PMP22: variants seen among roughly 807,000 people sequenced by gnomAD.
The protein encoded by PMP22 is peripheral myelin protein 22.
In PMP22, 2 loss-of-function variants were observed where a neutral mutation model predicts 18.9. The observed-to-expected ratio is 0.11, with a 90% CI of 0.04 to 0.33. PMP22 has a LOEUF of 0.33. PMP22 is among the 10% of genes least tolerant of loss of function. PMP22 has a pLI of 1.00. For synonymous variants in PMP22, 95 were observed against 89.2 expected (o/e 1.07, Z -0.37); for missense variants, 169 against 202.2 (o/e 0.84, Z 1.00).
intron 3 of PMP22, among the ~76,000 whole-genome samples, chr17:15,256,537 A>G (rs1315594058): frequency 1.3e-5 from 2 of 152,166 alleles, no homozygotes; most frequent in African/African-American, 4.8e-5. Flanking sequence ...GCTACTCGGG[A>G]GGCTGAGGCA....
intron 4 of PMP22, 124 bp from the exon 5 acceptor site, chr17:15,231,204 G>T: frequency 1.1e-6 from 1 of 944,460 alleles, no homozygotes; most frequent in Non-Finnish European, 1.7e-6. Flanking sequence ...AAGGAAATCT[G>T]CTTCCAGGTC....
intron 4 of PMP22, among the ~76,000 whole-genome samples, chr17:15,236,844 T>C (rs775288377): frequency 3.3e-5 from 5 of 152,198 alleles, no homozygotes; most frequent in Non-Finnish European, 5.9e-5. Context: ...CCATTTCCAG[T>C]GCAACATCCT....
In PMP22 at chr17:15,230,997, C is replaced by G; in HGVS notation, c.403G>C (p.Ala135Pro). 1.2e-6 allele frequency: 2 copies of G among 1,614,126 alleles called. No individual in the cohort carries two copies. The highest frequency in any genetic ancestry group is 1.7e-6 in the Non-Finnish European group (2 of 1,180,002). The change falls in exon 5 of 5, where the codon GCC becomes CCC. Residue 135 changes from alanine (A) to proline (P), a missense_variant. Coordinates refer to ENST00000312280, the MANE Select transcript of PMP22 (RefSeq NM_000304.4). ...AAGGCCACCCAGGCCAGGATGTAGGCGAAACCGTAGGAGTAATCCGAGTTG... is the reference window on the plus strand; with the variant it reads ...AAGGCCACCCAGGCCAGGATGTAGGGGAAACCGTAGGAGTAATCCGAGTTG... ...HLNSDYSYGF[A>P]YILAWVAFPL...
chr17:15,255,459 A>C (rs1363522136), intron 3 of PMP22, among the ~76,000 whole-genome samples: 2 of 152,100 alleles, frequency 1.3e-5, no homozygotes, highest in African/African-American at 4.8e-5. Flanking sequence ...TTGTTTCCTG[A>C]AGATGACAGC....
At chr17:15,245,859 A>C (rs911181199) in intron 3 of PMP22, among the ~76,000 whole-genome samples, 26 of 151,978 alleles carry the variant, frequency 1.7e-4, no homozygotes, top group Non-Finnish European at 3.7e-4. Flanking sequence ...ACAAAAAAAA[A>C]AAAATTAGCC....
chr17:15,253,398 G>A (rs1290787075), intron 3 of PMP22, among the ~76,000 whole-genome samples: 1 of 152,190 alleles, frequency 6.6e-6, no homozygotes, highest in Non-Finnish European at 1.5e-5. Context: ...CAGCCAAAGT[G>A]ATAAGAATCC....
chr17:15,230,711 T>C lies in PMP22; in HGVS notation c.*206A>G, dbSNP rs766390986. On this transcript the variant is annotated 3_prime_UTR_variant, in exon 5 of 5. Transcript: ENST00000312280. Reference sequence around the variant, plus strand: ...AAGCAAACAATACTATGTACATATATGTAAAAAGTGTTATAAATAGGTTTT... The same window carrying C: ...AAGCAAACAATACTATGTACATATACGTAAAAAGTGTTATAAATAGGTTTT... 1.3e-5 allele frequency: 8 copies of C among 597,230 alleles called. No individual in the cohort carries two copies. Among genetic ancestry groups the C allele is most frequent in the African/African-American group, 3.7e-5 (2 of 53,918 alleles). The allele number at this position is 597,230 out of a possible 1,614,324, so 37.0% of individuals were successfully genotyped here.
Position 15,229,938 on chromosome 17 carries a change from C to T in PMP22, c.*979G>A, listed in dbSNP as rs1906165449. 6.6e-6 allele frequency: 1 copy of T among 152,648 alleles called. No homozygotes were observed. The highest frequency in any genetic ancestry group is 1.5e-5 in the Non-Finnish European group (1 of 68,076). 9.5% of individuals were successfully genotyped at this position (152,648 alleles called of 1,614,324 possible). A position where few individuals can be genotyped will look rare whatever the true frequency, so the allele number is the denominator to read the frequency against. On this transcript the variant is annotated 3_prime_UTR_variant, in exon 5 of 5. Coordinates refer to ENST00000312280, the MANE Select transcript of PMP22 (RefSeq NM_000304.4). The stretch of plus-strand genomic sequence containing the variant: ...CCAATACAAGTCATTGCCAGACAGT[C>T]CTTGGAGGCACAGAACAGCCTAGAC...
chr17:15,247,330 C>T (rs1215887215), intron 3 of PMP22, among the ~76,000 whole-genome samples: 2 of 152,314 alleles, frequency 1.3e-5, no homozygotes, highest in East Asian at 3.9e-4. Flanking sequence ...GATGGCGCCA[C>T]TGCACTCCAG....
intron 2 of PMP22, chr17:15,260,354 G>T (rs187363504): frequency 2.2e-6 from 1 of 449,798 alleles, no homozygotes; most frequent in Non-Finnish European, 4.1e-6. Context: ...AAAAAAAAAA[G>T]TTAAACAATC....
At chr17:15,247,340 G>A (rs926824490) in intron 3 of PMP22, among the ~76,000 whole-genome samples, 26 of 152,186 alleles carry the variant, frequency 1.7e-4, no homozygotes, top group African/African-American at 6.0e-4. Flanking sequence ...CTGCACTCCA[G>A]CCTGGGCGAC....
At chr17:15,264,129 T>A (rs1220491560) in intron 1 of PMP22, among the ~76,000 whole-genome samples, 2 of 152,186 alleles carry the variant, frequency 1.3e-5, no homozygotes, top group Non-Finnish European at 2.9e-5. Flanking sequence ...GCCACCACTA[T>A]TATTATATCA....
chr17:15,257,172 G>T (rs895814862), intron 3 of PMP22, among the ~76,000 whole-genome samples: 2 of 152,326 alleles, frequency 1.3e-5, no homozygotes, highest in East Asian at 3.9e-4. Flanking sequence ...CAAGTTGAGA[G>T]ATAAGAAGTT....
chr17:15,262,296 C>A (rs1312571122), intron 1 of PMP22: 2 of 152,480 alleles, frequency 1.3e-5, no homozygotes, highest in East Asian at 3.9e-4. Context: ...ACACAGGGGA[C>A]CCTGTGCCCC....
intron 1 of PMP22, chr17:15,262,690 G>A (rs1239993686): frequency 6.6e-6 from 1 of 152,604 alleles, no homozygotes; most frequent in Non-Finnish European, 1.5e-5. Context: ...GGGAGGGCAG[G>A]AGACAGTCAC....
At chr17:15,237,901 G>A (rs1906947939) in intron 4 of PMP22, among the ~76,000 whole-genome samples, 1 of 151,934 alleles carries the variant, frequency 6.6e-6, no homozygotes. Flanking sequence ...AATACATTAT[G>A]AAAGTTCTGG....
chr17:15,254,828 G>A (rs544015762), intron 3 of PMP22, among the ~76,000 whole-genome samples: 13 of 152,232 alleles, frequency 8.5e-5, no homozygotes, highest in Admixed American at 1.3e-4. Context: ...GCGTGGTGGC[G>A]CATGCCTGTA....
Position 15,259,185 on chromosome 17 carries a change from G to A in PMP22, c.87C>T (p.Ile29=), listed in dbSNP as rs201192820. 1.6e-4 allele frequency: 260 copies of A among 1,611,304 alleles called. No homozygotes were observed. Among genetic ancestry groups the A allele is most frequent in the Non-Finnish European group, 2.0e-4 (237 of 1,177,466 alleles). The change falls in exon 3 of 5, where the codon ATC becomes ATT. Residue 29 remains isoleucine, a synonymous_variant. Coordinates refer to ENST00000312280, the MANE Select transcript of PMP22 (RefSeq NM_000304.4). ...GATCAGTTGCGTGTCCATTGCCCAC[G>A]ATCCATTGCTAGAGAGAATCAGATA... ...LFVSTIVSQW[I]VGNGHATDLW...
chr17:15,239,869 A>G (rs1424572445), intron 3 of PMP22, among the ~76,000 whole-genome samples: 1 of 152,252 alleles, frequency 6.6e-6, no homozygotes, highest in African/African-American at 2.4e-5. Flanking sequence ...ACATATACAA[A>G]CACACACATG....
Sources: gnomAD v4.1 joint callset for allele counts (sites outside exome capture counted in the v4.1 genomes callset) on GRCh38, gnomAD v4.1.1 for gene constraint, MANE v1.5 for transcripts, NCBI Gene and HGNC (gene_info 2026-07-23, HGNC 2026-07-21) for gene names.